The following COL25A1 variants were observed in gnomAD, a reference collection of about 807,000 sequenced individuals.
COL25A1 encodes the protein collagen type XXV alpha 1 chain.
COL25A1 carries 103 observed loss-of-function variants against 128.4 expected under a neutral mutation model. The observed-to-expected ratio is 0.80, with a 90% CI of 0.68 to 0.94. The LOEUF (loss-of-function observed/expected upper bound fraction) is 0.94, where lower values mean the gene tolerates loss of function less well. COL25A1 is among the 40% of genes least tolerant of loss of function. The pLI, the probability that COL25A1 is intolerant of heterozygous loss-of-function variation, is 0.00. For synonymous variants in COL25A1, 279 were observed against 277.2 expected, an observed-to-expected ratio of 1.01 and a Z score of -0.06; for missense variants, 745 against 840.0, an observed-to-expected ratio of 0.89 and a Z score of 1.40.
At position 108,811,647 on chromosome 4, in the gene COL25A1, A is replaced by C. The variant is rs1238094627; in HGVS notation, c.*2280T>G. On this transcript the variant is annotated 3_prime_UTR_variant, in exon 38 of 38. Coordinates refer to ENST00000399132, the MANE Select transcript of COL25A1 (RefSeq NM_198721.4). ...TCAGTTCATTTTTCCAAACCATTTA[A>C]GACAAATTGTGTCAGACATTGAGCA... The C allele has an allele frequency of 6.6e-6, 1 of 152,006 alleles. No homozygotes were observed. Among genetic ancestry groups the C allele is most frequent in the Non-Finnish European group, 1.5e-5 (1 of 67,926 alleles). The allele number at this position is 152,006 out of a possible 1,614,324, so 9.4% of individuals were successfully genotyped here. A position where few individuals can be genotyped will look rare whatever the true frequency, so the allele number is the denominator to read the frequency against.
At chr4:109,279,598 A>G (rs920825436) in intron 3 of COL25A1, among the ~76,000 whole-genome samples, 6 of 152,220 alleles carry the variant, frequency 3.9e-5, no homozygotes, top group African/African-American at 1.4e-4. Context: ...AAAACAAAAA[A>G]TATACCTCCC....
At chr4:109,065,053 C>G (rs1762291415) in intron 3 of COL25A1, among the ~76,000 whole-genome samples, 1 of 152,182 alleles carries the variant, frequency 6.6e-6, no homozygotes, top group Non-Finnish European at 1.5e-5. Context: ...ACTCGGGAGT[C>G]ATAATGAATG....
At position 108,824,212 on chromosome 4, in the gene COL25A1, G is replaced by A. The variant is rs761131958; in HGVS notation, c.1807C>T (p.Arg603Trp). ...TCTCCTAGATCACCCTTCTCACCCC[G>A]TGGACCAGGGAAGCCCTGTAAGATA... ...EPGLDGFPGP[R>W]GEKGDLGEKG... is the part of the protein sequence containing the mutation. Residue 603 changes from arginine to tryptophan, a missense_variant, in exon 35 of 38, where the codon CGG (arginine) becomes TGG (tryptophan). Coordinates refer to ENST00000399132, the MANE Select transcript of COL25A1 (RefSeq NM_198721.4). The A allele has an allele frequency of 6.4e-5, 103 of 1,612,984 alleles. No homozygotes were observed. The highest frequency in any genetic ancestry group is 1.6e-4 in the Middle Eastern group (1 of 6,080).
intron 5 of COL25A1, among the ~76,000 whole-genome samples, chr4:109,013,081 G>A (rs1009218958): frequency 4.6e-5 from 7 of 152,070 alleles, no homozygotes; most frequent in Admixed American, 1.3e-4. Flanking sequence ...GAACTTTTAC[G>A]TCTAGCTAAA....
chr4:109,101,400 C>T (rs1306151719), intron 3 of COL25A1, among the ~76,000 whole-genome samples: 10 of 152,270 alleles, frequency 6.6e-5, no homozygotes, highest in East Asian at 5.8e-4. Flanking sequence ...CAGTAAAATG[C>T]CCCTGGTGCC....
intron 5 of COL25A1, among the ~76,000 whole-genome samples, chr4:109,019,371 C>CATAT (rs1183525991): frequency 2.2e-4 from 2 of 8,940 alleles, no homozygotes; most frequent in African/African-American, 1.3e-3. Context: ...CACACACACA[C>CATAT]ACACATATAT....
chr4:109,000,908 T>C (rs10516554), intron 6 of COL25A1, among the ~76,000 whole-genome samples: 32,654 of 151,654 alleles, frequency 0.22, 3,611 homozygotes, highest in Non-Finnish European at 0.24. Context: ...GTGTGGAAAC[T>C]GAGTGTGTCT....
intron 3 of COL25A1, among the ~76,000 whole-genome samples, chr4:109,194,344 G>A (rs1007922720): frequency 6.6e-6 from 1 of 152,182 alleles, no homozygotes; most frequent in Non-Finnish European, 1.5e-5. Flanking sequence ...ATAGTGTCAT[G>A]TATATCATAA....
intron 13 of COL25A1, among the ~76,000 whole-genome samples, chr4:108,910,285 G>A (rs1406281706): frequency 6.6e-6 from 1 of 151,988 alleles, no homozygotes; most frequent in Non-Finnish European, 1.5e-5. Context: ...ATGTCCACGT[G>A]GAAAAATTCT....
intron 5 of COL25A1, among the ~76,000 whole-genome samples, chr4:109,045,917 G>A (rs893796312): frequency 3.3e-5 from 5 of 151,906 alleles, no homozygotes; most frequent in South Asian, 4.2e-4. Flanking sequence ...TTGCAGTTTC[G>A]GCCATAATTT....
intron 19 of COL25A1, among the ~76,000 whole-genome samples, chr4:108,875,139 C>T (rs1739291621): frequency 6.6e-6 from 1 of 152,090 alleles, no homozygotes; most frequent in Non-Finnish European, 1.5e-5. Flanking sequence ...AAAGTTAGTG[C>T]CTAACTCATG....
chr4:109,093,678 G>T (rs1008538559), intron 3 of COL25A1, among the ~76,000 whole-genome samples: 1 of 151,756 alleles, frequency 6.6e-6, no homozygotes, highest in Non-Finnish European at 1.5e-5. Context: ...CCAAAATGTG[G>T]GTTTTAAAGT....
intron 3 of COL25A1, among the ~76,000 whole-genome samples, chr4:109,108,762 TTTA>T (rs1434465034): frequency 3.4e-5 from 5 of 148,228 alleles, no homozygotes; most frequent in Non-Finnish European, 5.9e-5. Flanking sequence ...ATTATGGTTT[TTTA>T]TTATTTTTTT....
Position 108,819,923 on chromosome 4 carries a change from A to C in COL25A1, c.1846-594T>G, listed in dbSNP as rs753627328. On this transcript the variant is annotated intron_variant, in intron 35 of 37. Transcript: ENST00000399132. ...CCTGTGGATACAAGGGTTTAAATAA[A>C]AGACAAATTTTATTTGGGGGAAAAT... is the stretch of plus-strand genomic sequence containing the variant. 1.7e-5 allele frequency: 19 copies of C among 1,130,862 alleles called. No homozygotes were observed. The Middle Eastern group carries it at 9.9e-4, about 59-fold the overall frequency. The allele number at this position is 1,130,862 out of a possible 1,614,324, so 70.1% of individuals were successfully genotyped here. A position where few individuals can be genotyped will look rare whatever the true frequency, so the allele number is the denominator to read the frequency against.
intron 26 of COL25A1, among the ~76,000 whole-genome samples, chr4:108,850,711 A>T (rs550793195): frequency 6.6e-6 from 1 of 152,236 alleles, no homozygotes; most frequent in South Asian, 2.1e-4. Context: ...TAAGCCCTTT[A>T]TTGGAATTTC....
intron 5 of COL25A1, among the ~76,000 whole-genome samples, chr4:109,047,087 T>C (rs1200821937): frequency 6.6e-6 from 1 of 152,190 alleles, no homozygotes; most frequent in African/African-American, 2.4e-5. Flanking sequence ...ATGTTCTTTA[T>C]GCAGGCAAAA....
At chr4:109,027,229 G>A in intron 5 of COL25A1, among the ~76,000 whole-genome samples, 1 of 152,184 alleles carries the variant, frequency 6.6e-6, no homozygotes. Context: ...AGGATAAGGA[G>A]GCTAGAGAAC....
intron 3 of COL25A1, among the ~76,000 whole-genome samples, chr4:109,292,921 GC>G (rs1185223523): frequency 6.6e-6 from 1 of 152,032 alleles, no homozygotes; most frequent in Non-Finnish European, 1.5e-5. Context: ...CCTAGAACCG[GC>G]CAGCATTTCT....
At chr4:109,186,702 T>A (rs1775167527) in intron 3 of COL25A1, among the ~76,000 whole-genome samples, 1 of 152,192 alleles carries the variant, frequency 6.6e-6, no homozygotes, top group Non-Finnish European at 1.5e-5. Context: ...AATGTAGATT[T>A]CCCCACCTGG....
Sources: allele counts gnomAD v4.1 joint callset (sites outside exome capture counted in the v4.1 genomes callset), GRCh38; gene constraint gnomAD v4.1.1; transcripts MANE v1.5; gene names NCBI Gene and HGNC (gene_info 2026-07-23, HGNC 2026-07-21).